QPCT: variants seen among roughly 807,000 people sequenced by gnomAD.
The protein encoded by QPCT is glutaminyl-peptide cyclotransferase.
In QPCT, 44 loss-of-function variants were observed where a neutral mutation model predicts 43.4. The ratio of observed to expected loss-of-function variants is 1.01; its 90% CI spans 0.80 to 1.30. The LOEUF (loss-of-function observed/expected upper bound fraction) is 1.30, where lower values mean the gene tolerates loss of function less well. Among genes scored for constraint, QPCT ranks in the 50% most tolerant of loss-of-function variants. The pLI is 0.00. For missense variants in QPCT, 526 were observed against 436.5 expected (o/e 1.21, Z -1.83); for synonymous variants, 168 against 168.4 (o/e 1.00, Z 0.02).
intron 1 of QPCT, among the ~76,000 whole-genome samples, chr2:37,352,105 AG>A (rs1672634602): frequency 6.6e-6 from 1 of 152,110 alleles, no homozygotes; most frequent in African/African-American, 2.4e-5. Flanking sequence ...AAAGTGAAAA[AG>A]GGGTAAAATT....
chr2:37,346,894 T>C (rs1672499545), intron 1 of QPCT, among the ~76,000 whole-genome samples: 1 of 151,832 alleles, frequency 6.6e-6, no homozygotes, highest in African/African-American at 2.4e-5. Flanking sequence ...AGGTGAGGTG[T>C]GGTAAAGAAA....
intron 5 of QPCT, among the ~76,000 whole-genome samples, chr2:37,371,431 CAA>C (rs3050580): frequency 2.2e-4 from 15 of 69,380 alleles, no homozygotes; most frequent in Admixed American, 5.6e-4. Flanking sequence ...GACTCCATCT[CAA>C]AAAAAAAAAA....
intron 1 of QPCT, among the ~76,000 whole-genome samples, chr2:37,351,664 C>T (rs1672628349): frequency 6.6e-6 from 1 of 151,976 alleles, no homozygotes; most frequent in Non-Finnish European, 1.5e-5. Flanking sequence ...GGTGGATCAC[C>T]TGAGGTTGGG....
chr2:37,367,280 G>A lies in QPCT; in HGVS notation c.595G>A (p.Asp199Asn). 6.2e-7 allele frequency: 1 copy of A among 1,614,036 alleles called. No homozygotes were observed. The highest frequency in any genetic ancestry group is 8.5e-7 in the Non-Finnish European group (1 of 1,179,956). Reference sequence around the variant, plus strand: ...TTTGTCACTCCAGCTGATCTTCTTTGATGGTGAAGAGGCTTTTCTTCACTG... The same window carrying A: ...TTTGTCACTCCAGCTGATCTTCTTTAATGGTGAAGAGGCTTTTCTTCACTG... Reference protein sequence around the residue: ...PDLSLQLIFFDGEEAFLHWSP... With the variant: ...PDLSLQLIFFNGEEAFLHWSP... Residue 199 changes from aspartate (D) to asparagine (N), a missense_variant, in exon 4 of 7, where the codon GAT (aspartate) becomes AAT (asparagine). Asp to Asn is a conservative substitution (Grantham distance 23, BLOSUM62 1). Transcript: ENST00000338415.
At chr2:37,370,262 A>G (rs969890180) in intron 5 of QPCT, among the ~76,000 whole-genome samples, 2 of 152,154 alleles carry the variant, frequency 1.3e-5, no homozygotes, top group Non-Finnish European at 2.9e-5. Flanking sequence ...TTCTTGCTTA[A>G]TTGATTAGTT....
intron 2 of QPCT, among the ~76,000 whole-genome samples, chr2:37,356,502 G>C (rs568875738): frequency 6.6e-6 from 1 of 152,114 alleles, no homozygotes; most frequent in Non-Finnish European, 1.5e-5. Context: ...CCACAGCCAC[G>C]CACTCCCTGC....
chr2:37,372,879 A>G lies in QPCT; in HGVS notation c.*52A>G. On this transcript the variant is annotated 3_prime_UTR_variant, in exon 7 of 7. Coordinates refer to ENST00000338415, the MANE Select transcript of QPCT (RefSeq NM_012413.4). ...GTTCTAGAATTGAATTCAAAAGTCA[A>G]GGCATCATTTAAAATAATCTGATTT... 6.8e-7 allele frequency: 1 copy of G among 1,475,294 alleles called. No homozygotes were observed. Among genetic ancestry groups the G allele is most frequent in the Non-Finnish European group, 9.2e-7 (1 of 1,082,134 alleles). The allele number at this position is 1,475,294 out of a possible 1,614,324, so 91.4% of individuals were successfully genotyped here. A position where few individuals can be genotyped will look rare whatever the true frequency, so the allele number is the denominator to read the frequency against.
intron 1 of QPCT, among the ~76,000 whole-genome samples, chr2:37,347,721 C>G (rs748058992): frequency 5.9e-5 from 9 of 152,172 alleles, no homozygotes; most frequent in Non-Finnish European, 1.2e-4. Flanking sequence ...GGTCACCAGT[C>G]TTATTCCTTT....
intron 5 of QPCT, among the ~76,000 whole-genome samples, chr2:37,371,396 T>C (rs1326656523): frequency 7.9e-6 from 1 of 126,906 alleles, no homozygotes; most frequent in Non-Finnish European, 1.5e-5. Flanking sequence ...GTGGCGCCAC[T>C]GCACTCCAGC....
chr2:37,345,867 G>T (rs1405163062), intron 1 of QPCT, among the ~76,000 whole-genome samples: 1 of 151,890 alleles, frequency 6.6e-6, no homozygotes, highest in Non-Finnish European at 1.5e-5. Flanking sequence ...AAGTATATGG[G>T]TTCACAATTA....
In QPCT at chr2:37,358,643, C is replaced by G. The variant is rs987038806; in HGVS notation, c.268-937C>G. ...GTGATGCTACTTTCTGCACCTGTTG[C>G]TTTCTTCTGTCAGTCACTGTGTTGC... is the stretch of plus-strand genomic sequence containing the variant. On this transcript the variant is annotated intron_variant, in intron 2 of 6. Coordinates refer to ENST00000338415, the MANE Select transcript of QPCT (RefSeq NM_012413.4). 2.0e-5 allele frequency: 3 copies of G among 152,176 alleles called. No individual in the cohort carries two copies. The South Asian group carries it at 6.2e-4, about 31-fold the overall frequency. 9.4% of individuals were successfully genotyped at this position (152,176 alleles called of 1,614,324 possible).
At position 37,344,825 on chromosome 2, in the gene QPCT, A is replaced by G; in HGVS notation, c.94A>G (p.Ser32Gly). Reference protein sequence around the residue: ...LPWASRGVSPSASAWPEEKNY... With the variant: ...LPWASRGVSPGASAWPEEKNY... ...CTGGGCATCCAGGGGGGTCAGTCCG[A>G]GTGCCTCAGCCTGGCCAGAGGAGAA... Residue 32 changes from serine (S) to glycine (G), a missense_variant, in exon 1 of 7, where the codon AGT (serine) becomes GGT (glycine). By Grantham distance (56) the Ser-to-Gly change is moderately conservative. Transcript: ENST00000338415. The G allele has an allele frequency of 6.2e-7, 1 of 1,606,040 alleles. No individual in the cohort carries two copies. The highest frequency in any genetic ancestry group is 8.5e-7 in the Non-Finnish European group (1 of 1,176,732).
intron 2 of QPCT, among the ~76,000 whole-genome samples, chr2:37,357,987 A>G (rs542357118): frequency 1.3e-5 from 2 of 152,040 alleles, no homozygotes; most frequent in Non-Finnish European, 2.9e-5. Flanking sequence ...TAGATCTGAA[A>G]TGTTGGTTTT....
rs1196020457 is a variant in QPCT at position 37,346,399 on chromosome 2, G to C, written c.120+1548G>C. ...CCCTTCTGGTCAGAAATTGGGAAGA[G>C]AACATTACAGACTGGAATATGGAGC... On this transcript the variant is annotated intron_variant, in intron 1 of 6. Coordinates refer to ENST00000338415, the MANE Select transcript of QPCT (RefSeq NM_012413.4). Among the ~76,000 whole-genome samples, 4 of 152,202 alleles carry C rather than the reference G, an allele frequency of 2.6e-5. No individual in the cohort carries two copies. The East Asian group carries it at 5.8e-4, about 22-fold the overall frequency.
intron 2 of QPCT, among the ~76,000 whole-genome samples, chr2:37,357,271 T>C (rs1672771097): frequency 6.6e-6 from 1 of 152,068 alleles, no homozygotes; most frequent in South Asian, 2.1e-4. Flanking sequence ...CCAGATGTTC[T>C]GGAGTATATG....
At chr2:37,346,762 C>T (rs1016245173) in intron 1 of QPCT, among the ~76,000 whole-genome samples, 1 of 152,162 alleles carries the variant, frequency 6.6e-6, no homozygotes, top group African/African-American at 2.4e-5. Context: ...TGTAGACCTT[C>T]ATAAAGTCTT....
At chr2:37,371,431 C>CAAAAAAAAAA (rs3050580) in intron 5 of QPCT, among the ~76,000 whole-genome samples, 1 of 69,362 alleles carries the variant, frequency 1.4e-5, no homozygotes, top group Non-Finnish European at 2.9e-5. Context: ...GACTCCATCT[C>CAAAAAAAAAA]AAAAAAAAAA....
At chr2:37,369,986 G>A (rs1316064525) in intron 5 of QPCT, among the ~76,000 whole-genome samples, 3 of 152,122 alleles carry the variant, frequency 2.0e-5, no homozygotes, top group African/African-American at 4.8e-5. Context: ...GGGCTTTCAT[G>A]TTTAGTAGAG....
rs573434967 is a variant in QPCT, at chr2:37,368,787, G to A, written c.724-898G>A. ...TTATTTATCAGTCCAAATATATGAAGCCACAGTGATTCATATATTTGGACT... is the reference window on the plus strand; with the variant it reads ...TTATTTATCAGTCCAAATATATGAAACCACAGTGATTCATATATTTGGACT... On this transcript the variant is annotated intron_variant, in intron 4 of 6. Transcript: ENST00000338415. 1.0e-3 allele frequency: 423 copies of A among 414,898 alleles called. 4 individuals carry two copies. Among genetic ancestry groups the A allele is most frequent in the African/African-American group, 8.3e-3 (397 of 47,778 alleles). The allele number at this position is 414,898 out of a possible 1,614,324, so 25.7% of individuals were successfully genotyped here. A position where few individuals can be genotyped will look rare whatever the true frequency, so the allele number is the denominator to read the frequency against.
Sources: gnomAD v4.1 joint callset for allele counts (sites outside exome capture counted in the v4.1 genomes callset) on GRCh38, gnomAD v4.1.1 for gene constraint, MANE v1.5 for transcripts, NCBI Gene and HGNC (gene_info 2026-07-23, HGNC 2026-07-21) for gene names.